Variants in NRXN3 observed in about 807,000 individuals in gnomAD.
NRXN3 encodes neurexin 3.
Under a neutral mutation model 137.6 loss-of-function variants are expected in NRXN3, and 32 were observed. That is an observed-to-expected ratio of 0.23 (90% CI 0.18 to 0.31). The LOEUF (loss-of-function observed/expected upper bound fraction) is 0.31. NRXN3 is among the 10% of genes least tolerant of loss of function. NRXN3 has a pLI of 1.00. For missense variants in NRXN3, 1,574 were observed against 2,062.5 expected (o/e 0.76, Z 4.59); for synonymous variants, 798 against 784.5 (o/e 1.02, Z -0.29).
chr14:79,710,085 T>A (rs2098797490), intron 19 of NRXN3, among the ~76,000 whole-genome samples: 1 of 152,156 alleles, frequency 6.6e-6, no homozygotes, highest in African/African-American at 2.4e-5. Flanking sequence ...GTTTGTTTTA[T>A]TGTTGCTGTT....
Position 78,289,475 on chromosome 14 carries a change from G to A in NRXN3, c.728-8356G>A, listed in dbSNP as rs534211661. Among the ~76,000 whole-genome samples the A allele has an allele frequency of 2.0e-5, 3 of 152,090 alleles. No homozygotes were observed. In the South Asian group the frequency reaches 6.2e-4, roughly 32 times the overall value. On this transcript the variant is annotated intron_variant, in intron 3 of 20. Transcript: ENST00000335750. The stretch of plus-strand genomic sequence containing the variant: ...AGGCAAAGAATCTTAGAGTTGGGAG[G>A]ACTTTCTGGTAATTATCTCCTACAA...
intron 8 of NRXN3, among the ~76,000 whole-genome samples, chr14:78,794,535 T>G (rs2098815222): frequency 6.6e-6 from 1 of 152,178 alleles, no homozygotes; most frequent in South Asian, 2.1e-4. Flanking sequence ...GCTAACTTTG[T>G]GTAATATTAA....
intron 9 of NRXN3, among the ~76,000 whole-genome samples, chr14:78,808,343 T>A (rs1447459316): frequency 6.6e-6 from 1 of 152,156 alleles, no homozygotes; most frequent in Non-Finnish European, 1.5e-5. Flanking sequence ...AATAATAAAA[T>A]CCTCAGCTAT....
chr14:79,573,284 A>T (rs1343913513), intron 16 of NRXN3, among the ~76,000 whole-genome samples: 1 of 152,146 alleles, frequency 6.6e-6, no homozygotes, highest in East Asian at 1.9e-4. Flanking sequence ...TGCCTAAAGG[A>T]ATGCAGTGGG....
chr14:79,234,246 A>G (rs1178763420), intron 15 of NRXN3, among the ~76,000 whole-genome samples: 2 of 139,238 alleles, frequency 1.4e-5, no homozygotes, highest in Non-Finnish European at 3.1e-5. Flanking sequence ...TATCAGTCCT[A>G]TGGAGTGGTC....
chr14:79,628,004 AAAG>A (rs1275984937), intron 16 of NRXN3, among the ~76,000 whole-genome samples: 3 of 152,222 alleles, frequency 2.0e-5, no homozygotes, highest in African/African-American at 4.8e-5. Context: ...TTAGAAAATA[AAAG>A]AAGATTAAAA....
At chr14:78,965,959 T>C (rs2099416662) in intron 11 of NRXN3, 66 bp from the exon 12 acceptor site, 4 of 1,534,194 alleles carry the variant, frequency 2.6e-6, no homozygotes, top group Non-Finnish European at 2.6e-6. Flanking sequence ...CCAAAAAATA[T>C]ACTTGAGGGT....
intron 6 of NRXN3, among the ~76,000 whole-genome samples, chr14:78,667,354 T>G (rs2152701652): frequency 6.6e-6 from 1 of 152,330 alleles, no homozygotes; most frequent in East Asian, 1.9e-4. Flanking sequence ...AATAAAGCCT[T>G]TAGCTGAATC....
At chr14:78,862,485 C>G (rs796558187) in intron 10 of NRXN3, among the ~76,000 whole-genome samples, 43 of 152,142 alleles carry the variant, frequency 2.8e-4, no homozygotes, top group African/African-American at 9.9e-4. Flanking sequence ...TTTAGGATTA[C>G]AGAACTTGGA....
chr14:79,563,729 G>A (rs139322665), intron 16 of NRXN3, among the ~76,000 whole-genome samples: 1 of 151,808 alleles, frequency 6.6e-6, no homozygotes, highest in East Asian at 1.9e-4. Flanking sequence ...TCTAACCACA[G>A]GGTGCACTAT....
chr14:79,719,601 C>T lies in NRXN3; in HGVS notation c.4014+21664C>T, dbSNP rs75997806. On this transcript the variant is annotated intron_variant, in intron 19 of 20. Coordinates refer to ENST00000335750, the MANE Select transcript of NRXN3 (RefSeq NM_001330195.2). The stretch of plus-strand genomic sequence containing the variant: ...TTACTTTCTAAACAAGGAATATATA[C>T]GTATTGTAGAAAAAAATCACTGTGA... Among the ~76,000 whole-genome samples the T allele has an allele frequency of 4.0e-3, 604 of 152,010 alleles. 7 individuals carry two copies. The highest frequency in any genetic ancestry group is 0.014 in the African/African-American group (564 of 41,486).
intron 20 of NRXN3, among the ~76,000 whole-genome samples, chr14:79,848,541 C>A (rs1568444554): frequency 1.3e-5 from 2 of 152,046 alleles, no homozygotes; most frequent in Non-Finnish European, 2.9e-5. Flanking sequence ...CCAGGGAAGC[C>A]AAAAGATTGA....
chr14:79,609,760 A>G (rs1196838301), intron 16 of NRXN3, among the ~76,000 whole-genome samples: 2 of 152,232 alleles, frequency 1.3e-5, no homozygotes, highest in African/African-American at 2.4e-5. Context: ...TAAGAATACC[A>G]AAACGAATAT....
At chr14:79,285,806 T>C (rs1459200706) in intron 15 of NRXN3, among the ~76,000 whole-genome samples, 1 of 152,158 alleles carries the variant, frequency 6.6e-6, no homozygotes, top group Non-Finnish European at 1.5e-5. Context: ...ATATGAATTT[T>C]GAAGAGACAC....
intron 20 of NRXN3, among the ~76,000 whole-genome samples, chr14:79,832,402 C>A (rs10162466): frequency 6.6e-6 from 1 of 152,008 alleles, no homozygotes; most frequent in Non-Finnish European, 1.5e-5. Flanking sequence ...TCAATAGAGC[C>A]AGTAATAACT....
At chr14:78,302,128 T>A (rs1332343410) in intron 4 of NRXN3, among the ~76,000 whole-genome samples, 1 of 152,234 alleles carries the variant, frequency 6.6e-6, no homozygotes, top group Non-Finnish European at 1.5e-5. Context: ...CGTGTGGCAC[T>A]GTTGCCTCTT....
At chr14:79,396,170 T>C (rs981754245) in intron 15 of NRXN3, among the ~76,000 whole-genome samples, 2 of 152,138 alleles carry the variant, frequency 1.3e-5, no homozygotes, top group East Asian at 3.9e-4. Flanking sequence ...AATATCACCA[T>C]AAACTGAAAT....
chr14:79,348,290 A>G (rs2092999553), intron 15 of NRXN3, among the ~76,000 whole-genome samples: 1 of 152,094 alleles, frequency 6.6e-6, no homozygotes. Flanking sequence ...ATTTTACTTT[A>G]ATTTAGATAT....
At chr14:79,175,376 G>T (rs914692378) in intron 15 of NRXN3, among the ~76,000 whole-genome samples, 4 of 152,148 alleles carry the variant, frequency 2.6e-5, no homozygotes, top group Non-Finnish European at 5.9e-5. Context: ...AGAAGATTGA[G>T]AATTTTTTTG....
Sources: allele counts gnomAD v4.1 joint callset (sites outside exome capture counted in the v4.1 genomes callset), GRCh38; gene constraint gnomAD v4.1.1; transcripts MANE v1.5; gene names NCBI Gene and HGNC (gene_info 2026-07-23, HGNC 2026-07-21).